Variants in GPR158 observed in about 807,000 individuals in gnomAD.
GPR158 encodes the protein G protein-coupled receptor 158.
A neutral mutation model predicts 78.2 loss-of-function variants in GPR158; 30 were observed. That is an observed-to-expected ratio of 0.38 (90% CI 0.29 to 0.52). The LOEUF (loss-of-function observed/expected upper bound fraction) is 0.52. GPR158 is among the 20% of genes least tolerant of loss of function. GPR158 has a pLI of 0.83. For missense variants in GPR158, 1,463 were observed against 1,523.5 expected (o/e 0.96, Z 0.66); for synonymous variants, 581 against 591.1 (o/e 0.98, Z 0.25).
intron 5 of GPR158, among the ~76,000 whole-genome samples, chr10:25,499,395 C>A (rs7073280): frequency 6.6e-6 from 1 of 152,086 alleles, no homozygotes; most frequent in East Asian, 1.9e-4. Flanking sequence ...GCTGGGATGC[C>A]TTGGTACCAA....
At chr10:25,291,238 A>G (rs1854432023) in intron 2 of GPR158, among the ~76,000 whole-genome samples, 4 of 152,068 alleles carry the variant, frequency 2.6e-5, no homozygotes, top group Admixed American at 2.0e-4. Flanking sequence ...AGGGAAGGGC[A>G]GGATAAAATA....
intron 5 of GPR158, among the ~76,000 whole-genome samples, chr10:25,509,640 A>G (rs1836057449): frequency 6.6e-6 from 1 of 152,240 alleles, no homozygotes; most frequent in Non-Finnish European, 1.5e-5. Context: ...CTTACAAAAC[A>G]TGCCCATGTT....
At chr10:25,259,060 C>G (rs1853930507) in intron 2 of GPR158, among the ~76,000 whole-genome samples, 1 of 152,056 alleles carries the variant, frequency 6.6e-6, no homozygotes, top group Non-Finnish European at 1.5e-5. Flanking sequence ...GATCCACTTC[C>G]ACCTGTCATC....
At chr10:25,341,840 A>C (rs1334125755) in intron 2 of GPR158, among the ~76,000 whole-genome samples, 1 of 141,018 alleles carries the variant, frequency 7.1e-6, no homozygotes, top group East Asian at 1.9e-4. Flanking sequence ...CTGAAAAAAA[A>C]CAAAAACAAA....
At chr10:25,350,668 TTTC>T (rs1167772173) in intron 2 of GPR158, among the ~76,000 whole-genome samples, 1 of 151,996 alleles carries the variant, frequency 6.6e-6, no homozygotes, top group East Asian at 1.9e-4. Flanking sequence ...GAAGCTATAC[TTTC>T]TTATTTTCTA....
chr10:25,187,310 C>A (rs1174535954), intron 1 of GPR158, among the ~76,000 whole-genome samples: 1 of 152,026 alleles, frequency 6.6e-6, no homozygotes, highest in Non-Finnish European at 1.5e-5. Flanking sequence ...GATACCAAAG[C>A]CTGGCAGAGA....
intron 2 of GPR158, among the ~76,000 whole-genome samples, chr10:25,376,086 T>A (rs911713813): frequency 7.2e-5 from 11 of 151,756 alleles, no homozygotes; most frequent in African/African-American, 2.4e-4. Flanking sequence ...AGCATACAGA[T>A]GCCATACACT....
At chr10:25,538,106 T>C (rs1232951701) in intron 5 of GPR158, among the ~76,000 whole-genome samples, 2 of 152,154 alleles carry the variant, frequency 1.3e-5, no homozygotes, top group Non-Finnish European at 2.9e-5. Context: ...GTACTCAACA[T>C]TCTGCTCACT....
intron 1 of GPR158, among the ~76,000 whole-genome samples, chr10:25,181,229 T>G (rs1852607725): frequency 6.6e-6 from 1 of 152,222 alleles, no homozygotes; most frequent in Admixed American, 6.5e-5. Flanking sequence ...CAGATGAACT[T>G]CTGCTGTGGA....
rs752284748 is a variant in GPR158 at position 25,551,041 on chromosome 10, C to T, written c.1470C>T (p.Leu490=). The stretch of plus-strand genomic sequence containing the variant: ...TTCTCCTAAGATGGGCTCGTCTTCT[C>T]GGTTTTGCTACTGTTTACGGAACTG... ...RCILLRWARL[L]GFATVYGTVT... The change falls in exon 6 of 11, where the codon CTC becomes CTT. Residue 490 remains leucine (L), a synonymous_variant. Coordinates refer to ENST00000376351, the MANE Select transcript of GPR158 (RefSeq NM_020752.3). 32 of 1,609,846 alleles carry T rather than the reference C, an allele frequency of 2.0e-5. No homozygotes were observed. Among genetic ancestry groups the T allele is most frequent in the Middle Eastern group, 3.3e-4 (2 of 6,054 alleles).
intron 6 of GPR158, among the ~76,000 whole-genome samples, chr10:25,557,315 C>G (rs1009314396): frequency 4.6e-5 from 7 of 152,204 alleles, no homozygotes; most frequent in African/African-American, 1.7e-4. Flanking sequence ...CCTCTCACTT[C>G]CTGCATTCGT....
chr10:25,554,112 AAAG>A (rs1836758585), intron 6 of GPR158, among the ~76,000 whole-genome samples: 1 of 152,210 alleles, frequency 6.6e-6, no homozygotes, highest in African/African-American at 2.4e-5. Flanking sequence ...AGGGAAAGCT[AAAG>A]AACAAGACTT....
chr10:25,346,034 TATC>T (rs1223451273), intron 2 of GPR158, among the ~76,000 whole-genome samples: 1 of 151,888 alleles, frequency 6.6e-6, no homozygotes, highest in African/African-American at 2.4e-5. Flanking sequence ...AAATATATAA[TATC>T]ATATCTAGAC....
chr10:25,572,696 T>C lies in GPR158; in HGVS notation c.1562T>C (p.Met521Thr). The C allele has an allele frequency of 6.2e-7, 1 of 1,614,130 alleles. No individual in the cohort carries two copies. The highest frequency in any genetic ancestry group is 8.5e-7 in the Non-Finnish European group (1 of 1,179,950). ...LSRTAQRIPYMTGGRVMRMLA... is the reference protein window; with the variant it reads ...LSRTAQRIPYTTGGRVMRMLA... Reference sequence around the variant, plus strand: ...CGAACGGCTCAACGAATTCCATATATGACTGGCGGACGGGTCATGAGGATG... The same window carrying C: ...CGAACGGCTCAACGAATTCCATATACGACTGGCGGACGGGTCATGAGGATG... Residue 521 changes from methionine (M) to threonine (T), a missense_variant, in exon 7 of 11, where the codon ATG (methionine) becomes ACG (threonine). Physicochemically the swap from Met to Thr is moderately conservative, Grantham distance 81. Transcript: ENST00000376351.
At chr10:25,275,765 T>C (rs1383608919) in intron 2 of GPR158, among the ~76,000 whole-genome samples, 1 of 152,162 alleles carries the variant, frequency 6.6e-6, no homozygotes, top group African/African-American at 2.4e-5. Context: ...TTTAGGTCAT[T>C]TTGCCCAATT....
At chr10:25,371,350 T>C (rs1833989474) in intron 2 of GPR158, among the ~76,000 whole-genome samples, 2 of 151,880 alleles carry the variant, frequency 1.3e-5, no homozygotes, top group South Asian at 4.2e-4. Context: ...AGGAGGTCTT[T>C]TAGGGCAGGC....
At chr10:25,398,709 A>T (rs1588844857) in intron 3 of GPR158, among the ~76,000 whole-genome samples, 1 of 152,306 alleles carries the variant, frequency 6.6e-6, no homozygotes, top group East Asian at 1.9e-4. Flanking sequence ...TCTCTGTGTA[A>T]GTCTAACTCC....
At chr10:25,558,480 A>AG (rs1455639075) in intron 6 of GPR158, among the ~76,000 whole-genome samples, 1 of 152,160 alleles carries the variant, frequency 6.6e-6, no homozygotes, top group Non-Finnish European at 1.5e-5. Context: ...TTAAAGGTCA[A>AG]GGTGAGGCTC....
At chr10:25,232,768 A>G (rs995592471) in intron 2 of GPR158, among the ~76,000 whole-genome samples, 45 of 152,274 alleles carry the variant, frequency 3.0e-4, no homozygotes, top group African/African-American at 1.1e-3. Flanking sequence ...GTCTATTTCA[A>G]ATTATTTTTG....
Sources: allele counts gnomAD v4.1 joint callset (sites outside exome capture counted in the v4.1 genomes callset), GRCh38; gene constraint gnomAD v4.1.1; transcripts MANE v1.5; gene names NCBI Gene and HGNC (gene_info 2026-07-23, HGNC 2026-07-21).